Variants in USP12 observed in about 807,000 individuals in gnomAD.
USP12 encodes ubiquitin specific peptidase 12, also known as ubiquitin carboxyl-terminal hydrolase 12.
USP12 carries 19 observed loss-of-function variants against 45.5 expected under a neutral mutation model. The observed-to-expected ratio is 0.42, with a 90% CI of 0.29 to 0.61. The LOEUF (loss-of-function observed/expected upper bound fraction) is 0.61. USP12 is among the 20% of genes least tolerant of loss of function. The probability of loss-of-function intolerance (pLI) is 0.22; values close to 1 mark genes in which losing one functional copy is unlikely to be tolerated. For missense variants in USP12, 242 were observed against 447.7 expected (o/e 0.54, Z 4.15); for synonymous variants, 149 against 148.8 (o/e 1.00, Z -0.01).
intron 7 of USP12, among the ~76,000 whole-genome samples, chr13:27,074,095 T>C (rs574726860): frequency 6.6e-6 from 1 of 152,292 alleles, no homozygotes; most frequent in Admixed American, 6.5e-5. Context: ...TCCCTCCAGA[T>C]TGTCCTTAAA....
At chr13:27,104,704 T>C (rs1875044496) in intron 3 of USP12, among the ~76,000 whole-genome samples, 1 of 152,198 alleles carries the variant, frequency 6.6e-6, no homozygotes. Flanking sequence ...GGTCATCTTA[T>C]ATTTCAGCGA....
At chr13:27,103,607 A>AAAATAAAAT (rs372985958) in intron 3 of USP12, among the ~76,000 whole-genome samples, 2 of 128,520 alleles carry the variant, frequency 1.6e-5, no homozygotes, top group African/African-American at 5.9e-5. Context: ...TCAAAAAAAA[A>AAAATAAAAT]AATAATAATA....
intron 7 of USP12, among the ~76,000 whole-genome samples, chr13:27,074,451 T>C (rs1256543165): frequency 1.3e-5 from 2 of 151,872 alleles, no homozygotes; most frequent in Non-Finnish European, 2.9e-5. Context: ...GGGCTGAAGA[T>C]GAGAAAGCTG....
intron 4 of USP12, among the ~76,000 whole-genome samples, chr13:27,091,032 T>C (rs554151183): frequency 1.3e-5 from 2 of 152,182 alleles, no homozygotes; most frequent in African/African-American, 2.4e-5. Context: ...AAGCTAACCA[T>C]AGGACCGAAA....
chr13:27,162,169 A>G (rs572312412), intron 1 of USP12, among the ~76,000 whole-genome samples: 1 of 152,332 alleles, frequency 6.6e-6, no homozygotes, highest in Admixed American at 6.5e-5. Flanking sequence ...TTATAGTACA[A>G]AGGACGTTCA....
chr13:27,074,267 G>A (rs1337560191), intron 7 of USP12, among the ~76,000 whole-genome samples: 1 of 152,200 alleles, frequency 6.6e-6, no homozygotes, highest in African/African-American at 2.4e-5. Context: ...GGGCGTGGTG[G>A]TGGGTGCCTG....
At chr13:27,073,402 A>G (rs1329251604) in intron 7 of USP12, among the ~76,000 whole-genome samples, 1 of 152,238 alleles carries the variant, frequency 6.6e-6, no homozygotes, top group Non-Finnish European at 1.5e-5. Flanking sequence ...AACATGCTTT[A>G]AATAACTGAC....
At chr13:27,070,347 C>T (rs1425870470) in intron 8 of USP12, among the ~76,000 whole-genome samples, 1 of 151,922 alleles carries the variant, frequency 6.6e-6, no homozygotes, top group Non-Finnish European at 1.5e-5. Context: ...AGGGGGCCTG[C>T]TGCGGTGTTG....
intron 2 of USP12, among the ~76,000 whole-genome samples, 157 bp downstream of exon 2, chr13:27,116,359 C>T (rs1381733299): frequency 6.6e-6 from 1 of 151,602 alleles, no homozygotes; most frequent in Non-Finnish European, 1.5e-5. Flanking sequence ...TGTTTCCCTT[C>T]CCTTAAAGAT....
chr13:27,132,525 A>G (rs1876553570), intron 1 of USP12, among the ~76,000 whole-genome samples: 1 of 152,192 alleles, frequency 6.6e-6, no homozygotes, highest in Admixed American at 6.5e-5. Context: ...CCATGTTCCA[A>G]TCTCTTGGTT....
intron 1 of USP12, among the ~76,000 whole-genome samples, chr13:27,147,286 AC>A (rs1344716116): frequency 6.6e-6 from 1 of 152,092 alleles, no homozygotes; most frequent in African/African-American, 2.4e-5. Context: ...GCAAAACACA[AC>A]TCAGGAAAGG....
intron 2 of USP12, among the ~76,000 whole-genome samples, chr13:27,113,511 C>T (rs147078792): frequency 1.7e-4 from 26 of 152,284 alleles, no homozygotes; most frequent in Non-Finnish European, 3.1e-4. Flanking sequence ...ACGCTTCTTA[C>T]TCCAGCAGAG....
chr13:27,098,420 A>G (rs1241166464), intron 3 of USP12, among the ~76,000 whole-genome samples: 2 of 152,232 alleles, frequency 1.3e-5, no homozygotes, highest in East Asian at 3.8e-4. Flanking sequence ...TGGCAAAGGA[A>G]AATAGCCAAT....
chr13:27,110,850 A>G (rs1301426807), intron 2 of USP12, among the ~76,000 whole-genome samples: 2 of 152,206 alleles, frequency 1.3e-5, no homozygotes, highest in Non-Finnish European at 2.9e-5. Context: ...TACAATCTCC[A>G]TATTTTGGAA....
At chr13:27,103,519 AAAG>A (rs1317291883) in intron 3 of USP12, among the ~76,000 whole-genome samples, 1 of 151,364 alleles carries the variant, frequency 6.6e-6, no homozygotes, top group Non-Finnish European at 1.5e-5. Flanking sequence ...AGTCTCTTTC[AAAG>A]AAGTATTTAA....
chr13:27,083,266 C>A (rs145395067), intron 6 of USP12, among the ~76,000 whole-genome samples: 2 of 152,224 alleles, frequency 1.3e-5, no homozygotes, highest in Middle Eastern at 3.4e-3. Context: ...GCAAGAATTA[C>A]CAAAAATGTG....
At chr13:27,097,621 G>A (rs1874650343) in intron 3 of USP12, among the ~76,000 whole-genome samples, 2 of 152,134 alleles carry the variant, frequency 1.3e-5, no homozygotes, top group African/African-American at 4.8e-5. Flanking sequence ...CTAACTGCAC[G>A]CGTGGCATAG....
chr13:27,086,192 AAAAAAATATAT>A (rs1368729082), intron 6 of USP12, among the ~76,000 whole-genome samples: 2 of 81,170 alleles, frequency 2.5e-5, no homozygotes, highest in African/African-American at 8.9e-5. Flanking sequence ...AAAAAAAAAA[AAAAAAATATAT>A]ATATATATAT....
At chr13:27,159,089 TCA>T (rs1165281944) in intron 1 of USP12, among the ~76,000 whole-genome samples, 2 of 152,216 alleles carry the variant, frequency 1.3e-5, no homozygotes, top group Non-Finnish European at 2.9e-5. Flanking sequence ...TTTTTTAAAC[TCA>T]CACAATTTTG....
Sources: allele counts gnomAD v4.1 joint callset (sites outside exome capture counted in the v4.1 genomes callset), GRCh38; gene constraint gnomAD v4.1.1; transcripts MANE v1.5; gene names NCBI Gene and HGNC (gene_info 2026-07-23, HGNC 2026-07-21).